SORBS2: variants seen among roughly 807,000 people sequenced by gnomAD.
The protein encoded by SORBS2 is sorbin and SH3 domain-containing protein 2.
A neutral mutation model predicts 97.7 loss-of-function variants in SORBS2; 46 were observed. The observed-to-expected ratio is 0.47, with a 90% CI of 0.37 to 0.60. SORBS2 has a LOEUF of 0.60. SORBS2 is among the 20% of genes least tolerant of loss of function. SORBS2 has a pLI of 0.00. For missense variants in SORBS2, 1,316 were observed against 1,282.3 expected, an observed-to-expected ratio of 1.03 and a Z score of -0.40; for synonymous variants, 476 against 473.4, an observed-to-expected ratio of 1.01 and a Z score of -0.07.
intron 2 of SORBS2, among the ~76,000 whole-genome samples, chr4:185,767,087 C>G (rs369809568): frequency 2.0e-5 from 3 of 152,254 alleles, no homozygotes; most frequent in African/African-American, 7.2e-5. Context: ...TCATGTCTTT[C>G]TCTGTAATCT....
chr4:185,622,225 A>G (rs528050870), intron 7 of SORBS2, among the ~76,000 whole-genome samples: 62 of 152,372 alleles, frequency 4.1e-4, no homozygotes, highest in Admixed American at 8.5e-4. Context: ...AGTGTAATTC[A>G]AATTTCAATA....
intron 5 of SORBS2, among the ~76,000 whole-genome samples, chr4:185,628,192 C>A (rs762220221): frequency 9.2e-5 from 14 of 152,064 alleles, no homozygotes; most frequent in Non-Finnish European, 1.3e-4. Flanking sequence ...CATCTTTGAA[C>A]GTCAAAATTC....
At chr4:185,767,499 C>CAAAAAAAAAAAAA (rs70962594) in intron 2 of SORBS2, among the ~76,000 whole-genome samples, 1 of 60,692 alleles carries the variant, frequency 1.6e-5, no homozygotes, top group Non-Finnish European at 3.0e-5. Flanking sequence ...GACTCTGTCT[C>CAAAAAAAAAAAAA]AAAAAAAAAA....
intron 1 of SORBS2, among the ~76,000 whole-genome samples, chr4:185,888,936 CGCCT>C (rs1263353920): frequency 6.6e-6 from 1 of 152,236 alleles, no homozygotes; most frequent in Non-Finnish European, 1.5e-5. Flanking sequence ...GCCCACCTGT[CGCCT>C]TCCAAATTGC....
At chr4:185,860,537 G>C (rs779607570) in intron 1 of SORBS2, among the ~76,000 whole-genome samples, 6 of 152,138 alleles carry the variant, frequency 3.9e-5, no homozygotes, top group Non-Finnish European at 7.4e-5. Flanking sequence ...GTCAAACTCT[G>C]TAAAATATTT....
intron 2 of SORBS2, among the ~76,000 whole-genome samples, chr4:185,715,759 T>C (rs949219153): frequency 1.6e-4 from 24 of 152,214 alleles, no homozygotes; most frequent in African/African-American, 4.6e-4. Flanking sequence ...CATCCATGTT[T>C]TCCTCCCTCG....
chr4:185,928,647 G>C (rs1276599131), intron 1 of SORBS2, among the ~76,000 whole-genome samples: 1 of 152,046 alleles, frequency 6.6e-6, no homozygotes, highest in East Asian at 1.9e-4. Flanking sequence ...CTGGGTTCAT[G>C]CCATTCTCCT....
At chr4:185,714,408 T>C (rs1231221436) in intron 2 of SORBS2, among the ~76,000 whole-genome samples, 2 of 152,216 alleles carry the variant, frequency 1.3e-5, no homozygotes, top group African/African-American at 4.8e-5. Context: ...AGTAGAATAA[T>C]GGCAGATGTA....
At chr4:185,867,217 G>C (rs547186357) in intron 1 of SORBS2, among the ~76,000 whole-genome samples, 15 of 152,104 alleles carry the variant, frequency 9.9e-5, no homozygotes, top group Non-Finnish European at 1.9e-4. Flanking sequence ...TCACCATGTT[G>C]ATCAGGCTGG....
intron 1 of SORBS2, among the ~76,000 whole-genome samples, chr4:185,873,699 A>G (rs1178143232): frequency 6.6e-6 from 1 of 152,176 alleles, no homozygotes. Context: ...TACGCTCATA[A>G]TTTACCCTGC....
chr4:185,612,019 T>C (rs765493458), intron 11 of SORBS2, 39 bp from the exon 24 acceptor site: 2 of 1,267,636 alleles, frequency 1.6e-6, no homozygotes, highest in African/African-American at 1.5e-5. Flanking sequence ...GAAACAGAGA[T>C]AGAATAACAT....
intron 1 of SORBS2, among the ~76,000 whole-genome samples, chr4:185,862,359 A>G (rs1202340101): frequency 2.0e-5 from 3 of 152,238 alleles, no homozygotes; most frequent in Non-Finnish European, 4.4e-5. Context: ...AAGAATGGCT[A>G]CTGACAGGTT....
chr4:185,875,758 T>C (rs10002028), intron 1 of SORBS2, among the ~76,000 whole-genome samples: 84,153 of 152,196 alleles, frequency 0.55, 23,510 homozygotes, highest in East Asian at 0.73. Flanking sequence ...TACGTGCATA[T>C]GTAACTACAC....
intron 1 of SORBS2, among the ~76,000 whole-genome samples, chr4:185,790,597 T>C (rs547956535): frequency 1.3e-5 from 2 of 152,202 alleles, no homozygotes; most frequent in Non-Finnish European, 2.9e-5. Flanking sequence ...TATGAACTCA[T>C]ATTTTACTCA....
At position 185,649,659 on chromosome 4, in the gene SORBS2, A is replaced by G. The variant is rs1394435765; in HGVS notation, c.92-3T>C. The G allele has an allele frequency of 1.5e-6, 2 of 1,370,354 alleles. No homozygotes were observed. The highest frequency in any genetic ancestry group is 1.5e-5 in the African/African-American group (1 of 66,990). 84.9% of individuals were successfully genotyped at this position (1,370,354 alleles called of 1,614,324 possible). A position where few individuals can be genotyped will look rare whatever the true frequency, so the allele number is the denominator to read the frequency against. ...ACTGTAGGGTGGGTTGTACAGACCTATCATGACAAAAAACAAAAGCAGACA... is the reference window on the plus strand; with the variant it reads ...ACTGTAGGGTGGGTTGTACAGACCTGTCATGACAAAAAACAAAAGCAGACA... On this transcript the variant is annotated splice_region_variant and splice_polypyrimidine_tract_variant and intron_variant, in intron 2 of 14. Transcript: ENST00000418609.
rs986426180 is a variant in SORBS2 at position 185,927,424 on chromosome 4, C to T, written c.-338+28772G>A. Among the ~76,000 whole-genome samples the T allele has an allele frequency of 7.2e-5, 11 of 151,842 alleles. No individual in the cohort carries two copies. The South Asian group carries it at 8.3e-4, about 11-fold the overall frequency. ...CATGCATTAGGTATTTGTCCTAATG[C>T]TCTCCCTCCCCTTGCCCCCCACCCC... On this transcript the variant is annotated intron_variant, in intron 1 of 20. Coordinates refer to the SORBS2 transcript ENST00000284776.
exon 15 of SORBS2, chr4:185,586,033 G>A (rs1046236): frequency 0.23 from 34,646 of 152,338 alleles, 4,848 homozygotes; most frequent in Middle Eastern, 0.34. Context: ...TGTTGTCGCA[G>A]GATAAAGACC....
chr4:185,891,684 C>T (rs566134848), intron 1 of SORBS2, among the ~76,000 whole-genome samples: 1 of 152,174 alleles, frequency 6.6e-6, no homozygotes, highest in Non-Finnish European at 1.5e-5. Context: ...ACCCTAGTCT[C>T]CAAATTTTGG....
intron 2 of SORBS2, among the ~76,000 whole-genome samples, chr4:185,716,787 A>G (rs2098468943): frequency 6.6e-6 from 1 of 152,152 alleles, no homozygotes; most frequent in Non-Finnish European, 1.5e-5. Flanking sequence ...TGGTCTCACC[A>G]GCACACCAGA....
Sources: gnomAD v4.1 joint callset for allele counts (sites outside exome capture counted in the v4.1 genomes callset) on GRCh38, gnomAD v4.1.1 for gene constraint, MANE v1.5 for transcripts, NCBI Gene and HGNC (gene_info 2026-07-23, HGNC 2026-07-21) for gene names.